Variants in ZNF385B observed in about 807,000 individuals in gnomAD.
ZNF385B encodes the protein zinc finger protein 533.
ZNF385B carries 23 observed loss-of-function variants against 39.2 expected under a neutral mutation model. That is an observed-to-expected ratio of 0.59 (90% CI 0.42 to 0.83). The LOEUF is 0.83. Among genes scored for constraint, ZNF385B ranks in the 40% least tolerant of loss-of-function variants. The probability of loss-of-function intolerance (pLI) is 0.00; values close to 1 mark genes in which losing one functional copy is unlikely to be tolerated. For synonymous variants in ZNF385B, 205 were observed against 222.6 expected (o/e 0.92, Z 0.70); for missense variants, 552 against 598.9 (o/e 0.92, Z 0.82).
At chr2:179,722,767 A>G (rs1039078770) in intron 3 of ZNF385B, among the ~76,000 whole-genome samples, 1 of 152,170 alleles carries the variant, frequency 6.6e-6, no homozygotes, top group Non-Finnish European at 1.5e-5. Context: ...GTCACCAAAA[A>G]TAATAAAAAC....
At chr2:179,535,518 C>A (rs979558259) in intron 4 of ZNF385B, among the ~76,000 whole-genome samples, 7 of 152,130 alleles carry the variant, frequency 4.6e-5, no homozygotes, top group Non-Finnish European at 8.8e-5. Flanking sequence ...CAATTCTATT[C>A]TTCAATCTTC....
At chr2:179,843,005 C>G (rs538132265) in intron 1 of ZNF385B, among the ~76,000 whole-genome samples, 73 of 152,224 alleles carry the variant, frequency 4.8e-4, no homozygotes, top group African/African-American at 1.7e-3. Flanking sequence ...GTCACCGCCC[C>G]CACCCCAAAA....
intron 3 of ZNF385B, among the ~76,000 whole-genome samples, chr2:179,569,007 T>C (rs1265199112): frequency 1.3e-5 from 2 of 152,238 alleles, no homozygotes; most frequent in African/African-American, 4.8e-5. Context: ...ACATTTATTA[T>C]GCACCAACAC....
chr2:179,482,330 G>A (rs2054090150), intron 6 of ZNF385B, among the ~76,000 whole-genome samples: 1 of 152,148 alleles, frequency 6.6e-6, no homozygotes, highest in Non-Finnish European at 1.5e-5. Flanking sequence ...CAAGAGGGAG[G>A]CCCCTAAAGA....
At chr2:179,686,785 TA>T (rs1697955471) in intron 3 of ZNF385B, among the ~76,000 whole-genome samples, 1 of 152,138 alleles carries the variant, frequency 6.6e-6, no homozygotes, top group Non-Finnish European at 1.5e-5. Context: ...CTTAATCTAC[TA>T]AAAACTGAAT....
chr2:179,496,901 C>A (rs1008765423), intron 5 of ZNF385B, among the ~76,000 whole-genome samples: 1 of 152,048 alleles, frequency 6.6e-6, no homozygotes, highest in Non-Finnish European at 1.5e-5. Context: ...ACACAAAAAT[C>A]AGCTGGGTGT....
intron 1 of ZNF385B, among the ~76,000 whole-genome samples, chr2:179,780,794 G>A (rs1704618666): frequency 6.6e-6 from 1 of 152,186 alleles, no homozygotes; most frequent in South Asian, 2.1e-4. Flanking sequence ...AGAAATATTT[G>A]AGAAATTTTA....
chr2:179,497,405 G>T (rs191570389), intron 5 of ZNF385B, among the ~76,000 whole-genome samples: 11 of 152,108 alleles, frequency 7.2e-5, no homozygotes, highest in Admixed American at 6.5e-4. Context: ...AAAAAGTGGG[G>T]GGATAAATTA....
At chr2:179,493,441 A>G (rs915234402) in intron 5 of ZNF385B, among the ~76,000 whole-genome samples, 7 of 151,552 alleles carry the variant, frequency 4.6e-5, no homozygotes, top group African/African-American at 1.5e-4. Context: ...ATGTACGTAT[A>G]TGCATGTGTA....
intron 3 of ZNF385B, among the ~76,000 whole-genome samples, chr2:179,656,432 A>G (rs906532991): frequency 2.6e-5 from 4 of 152,192 alleles, no homozygotes; most frequent in African/African-American, 7.2e-5. Flanking sequence ...ATTTAAGTAT[A>G]TCTTGTCCTC....
chr2:179,707,313 A>C (rs577771365), intron 3 of ZNF385B, among the ~76,000 whole-genome samples: 7 of 152,176 alleles, frequency 4.6e-5, no homozygotes, highest in Non-Finnish European at 7.4e-5. Flanking sequence ...AAGATGAGTT[A>C]AAATGGCATC....
At chr2:179,565,538 T>C (rs994906415) in intron 3 of ZNF385B, among the ~76,000 whole-genome samples, 4 of 152,222 alleles carry the variant, frequency 2.6e-5, no homozygotes, top group Non-Finnish European at 5.9e-5. Flanking sequence ...AAATTCTCTC[T>C]CAAGGACAGG....
intron 6 of ZNF385B, among the ~76,000 whole-genome samples, chr2:179,462,193 C>A (rs1040730844): frequency 6.6e-6 from 1 of 152,172 alleles, no homozygotes. Context: ...AAAAACAAAG[C>A]AATGCCCATA....
intron 1 of ZNF385B, among the ~76,000 whole-genome samples, chr2:179,776,432 A>G (rs1417858504): frequency 6.6e-6 from 1 of 152,212 alleles, no homozygotes; most frequent in Non-Finnish European, 1.5e-5. Context: ...ACTTTGCACA[A>G]TACAAAACAC....
chr2:179,855,909 C>T (rs1684555939), intron 1 of ZNF385B, among the ~76,000 whole-genome samples: 1 of 152,202 alleles, frequency 6.6e-6, no homozygotes, highest in Non-Finnish European at 1.5e-5. Context: ...TAAGTAACCC[C>T]TGCCCCAAGC....
chr2:179,719,967 G>A (rs766748266), intron 3 of ZNF385B, among the ~76,000 whole-genome samples: 7 of 152,136 alleles, frequency 4.6e-5, no homozygotes, highest in Admixed American at 6.5e-5. Context: ...TCATATATTC[G>A]TAATCAGATG....
rs74766933 is a variant in ZNF385B, at chr2:179,585,382, T to C, written c.299-40413A>G. Among the ~76,000 whole-genome samples, 349 of 152,264 alleles carry C rather than the reference T, an allele frequency of 2.3e-3. 1 individual carries two copies. Among genetic ancestry groups the C allele is most frequent in the African/African-American group, 8.0e-3 (332 of 41,554 alleles). On this transcript the variant is annotated intron_variant, in intron 3 of 9. Transcript: ENST00000410066. The stretch of plus-strand genomic sequence containing the variant: ...GCACCAATGGATTGTTTTTGCCTTT[T>C]AACAGAGCACCACATGATTCAGGGT...
intron 5 of ZNF385B, among the ~76,000 whole-genome samples, chr2:179,489,330 G>A (rs1442301299): frequency 6.6e-6 from 1 of 152,146 alleles, no homozygotes; most frequent in Non-Finnish European, 1.5e-5. Flanking sequence ...ATGGTTCCCT[G>A]TACCACAAAA....
At chr2:179,655,347 AG>A (rs1272695005) in intron 3 of ZNF385B, among the ~76,000 whole-genome samples, 1 of 152,182 alleles carries the variant, frequency 6.6e-6, no homozygotes, top group Non-Finnish European at 1.5e-5. Flanking sequence ...TAAGCTGAAA[AG>A]GCAATGGAAA....
Sources: gnomAD v4.1 joint callset for allele counts (sites outside exome capture counted in the v4.1 genomes callset) on GRCh38, gnomAD v4.1.1 for gene constraint, MANE v1.5 for transcripts, NCBI Gene and HGNC (gene_info 2026-07-23, HGNC 2026-07-21) for gene names.